Variants in HS6ST3 observed in about 807,000 individuals in gnomAD.
The protein encoded by HS6ST3 is heparan-sulfate 6-O-sulfotransferase 3.
In HS6ST3, 12 loss-of-function variants were observed where a neutral mutation model predicts 36.7. The observed-to-expected ratio is 0.33, with a 90% confidence interval of 0.21 to 0.53. HS6ST3 has a LOEUF of 0.53. Ranked by LOEUF, HS6ST3 falls within the 20% of genes least tolerant of loss-of-function variation. The pLI, the probability that HS6ST3 is intolerant of heterozygous loss-of-function variation, is 0.95. For synonymous variants in HS6ST3, 240 were observed against 257.5 expected (o/e 0.93, Z 0.65); for missense variants, 584 against 640.9 (o/e 0.91, Z 0.96).
intron 1 of HS6ST3, among the ~76,000 whole-genome samples, chr13:96,244,618 C>G (rs940835767): frequency 1.3e-5 from 2 of 152,000 alleles, no homozygotes; most frequent in Non-Finnish European, 1.5e-5. Context: ...TGCTATTAAT[C>G]AATGGAAAAA....
chr13:96,628,991 T>C (rs1213833308), intron 1 of HS6ST3, among the ~76,000 whole-genome samples: 1 of 152,198 alleles, frequency 6.6e-6, no homozygotes, highest in African/African-American at 2.4e-5. Context: ...TCAACTCTTA[T>C]TCATTTTCTG....
rs147910278 is a variant in HS6ST3 at position 96,150,455 on chromosome 13, G to C, written c.707+58886G>C. On this transcript the variant is annotated intron_variant, in intron 1 of 1. Transcript: ENST00000376705. ...TGGTTTGAAGGTTGGGTCTCACCAGGGACCTGTCCCTGTCTGCGTAGGAAT... is the reference window on the plus strand; with the variant it reads ...TGGTTTGAAGGTTGGGTCTCACCAGCGACCTGTCCCTGTCTGCGTAGGAAT... Among the ~76,000 whole-genome samples the C allele has an allele frequency of 3.2e-3, 484 of 152,156 alleles. 2 individuals are homozygous for C. The highest frequency in any genetic ancestry group is 0.011 in the African/African-American group (475 of 41,504).
chr13:96,360,145 C>A (rs1208134974), intron 1 of HS6ST3, among the ~76,000 whole-genome samples: 1 of 152,062 alleles, frequency 6.6e-6, no homozygotes. Context: ...GGAACTAGCC[C>A]TGTCATTGAA....
chr13:96,434,357 A>C (rs1043768857), intron 1 of HS6ST3, among the ~76,000 whole-genome samples: 1 of 152,010 alleles, frequency 6.6e-6, no homozygotes, highest in African/African-American at 2.4e-5. Flanking sequence ...TTTTCTTCTT[A>C]TTTTGCTGTT....
At chr13:96,592,127 C>T (rs2056384450) in intron 1 of HS6ST3, among the ~76,000 whole-genome samples, 2 of 151,964 alleles carry the variant, frequency 1.3e-5, no homozygotes, top group African/African-American at 4.8e-5. Flanking sequence ...TTTTTGCATC[C>T]ATATTCATCA....
chr13:96,498,742 A>C (rs1471176603), intron 1 of HS6ST3, among the ~76,000 whole-genome samples: 2 of 152,154 alleles, frequency 1.3e-5, no homozygotes, highest in African/African-American at 4.8e-5. Context: ...TTTGTAATAA[A>C]ATGTGAAATT....
intron 1 of HS6ST3, among the ~76,000 whole-genome samples, chr13:96,497,935 A>T (rs1163267454): frequency 6.6e-6 from 1 of 152,214 alleles, no homozygotes; most frequent in Non-Finnish European, 1.5e-5. Context: ...AAAGATGTAC[A>T]AATTCACCAA....
At chr13:96,808,596 G>A (rs1263488439) in intron 1 of HS6ST3, among the ~76,000 whole-genome samples, 5 of 152,172 alleles carry the variant, frequency 3.3e-5, no homozygotes, top group Non-Finnish European at 7.3e-5. Flanking sequence ...GTCATGGAGA[G>A]TTAGGGGCTG....
At chr13:96,622,569 AG>A (rs1455690511) in intron 1 of HS6ST3, among the ~76,000 whole-genome samples, 2 of 151,706 alleles carry the variant, frequency 1.3e-5, no homozygotes, top group Non-Finnish European at 2.9e-5. Flanking sequence ...AGGAATAGAA[AG>A]GGTTTCAGGC....
At chr13:96,449,120 C>A (rs2055714580) in intron 1 of HS6ST3, among the ~76,000 whole-genome samples, 1 of 152,014 alleles carries the variant, frequency 6.6e-6, no homozygotes, top group African/African-American at 2.4e-5. Context: ...TGCCACCATA[C>A]CCGGCTAATT....
At chr13:96,801,938 G>A (rs1201423023) in intron 1 of HS6ST3, among the ~76,000 whole-genome samples, 1 of 152,140 alleles carries the variant, frequency 6.6e-6, no homozygotes, top group East Asian at 1.9e-4. Flanking sequence ...GCTCAGGAAT[G>A]TAAGGACTCA....
At chr13:96,596,861 G>T in intron 1 of HS6ST3, among the ~76,000 whole-genome samples, 1 of 151,884 alleles carries the variant, frequency 6.6e-6, no homozygotes, top group Non-Finnish European at 1.5e-5. Context: ...TAAATTTTTC[G>T]ACTATAAAGA....
intron 1 of HS6ST3, among the ~76,000 whole-genome samples, chr13:96,544,905 T>C (rs969317489): frequency 6.6e-6 from 1 of 152,188 alleles, no homozygotes. Flanking sequence ...AATTCACAAA[T>C]GTATTGCTTT....
chr13:96,172,444 A>G (rs2054191962), intron 1 of HS6ST3, among the ~76,000 whole-genome samples: 1 of 152,310 alleles, frequency 6.6e-6, no homozygotes, highest in South Asian at 2.1e-4. Context: ...TTTGAGAATC[A>G]CTAATGAATC....
chr13:96,692,355 TATAAC>T (rs769817631), intron 1 of HS6ST3, among the ~76,000 whole-genome samples: 26 of 152,182 alleles, frequency 1.7e-4, no homozygotes, highest in Non-Finnish European at 2.6e-4. Context: ...AAATAGTTGT[TATAAC>T]ATATTATTTA....
chr13:96,713,418 T>C (rs1160867125), intron 1 of HS6ST3, among the ~76,000 whole-genome samples: 2 of 152,278 alleles, frequency 1.3e-5, no homozygotes, highest in East Asian at 3.9e-4. Flanking sequence ...TTCAGAGATG[T>C]TTAAAACACA....
chr13:96,380,894 A>AG (rs1200068265), intron 1 of HS6ST3, among the ~76,000 whole-genome samples: 1 of 152,226 alleles, frequency 6.6e-6, no homozygotes, highest in Non-Finnish European at 1.5e-5. Context: ...ATCATAGTTT[A>AG]GGGAAAAAGA....
At chr13:96,812,306 C>T (rs1878332060) in intron 1 of HS6ST3, among the ~76,000 whole-genome samples, 1 of 152,150 alleles carries the variant, frequency 6.6e-6, no homozygotes, top group African/African-American at 2.4e-5. Flanking sequence ...TCCAATATTT[C>T]CCCATATGCC....
chr13:96,604,657 G>T (rs2056432377), intron 1 of HS6ST3, among the ~76,000 whole-genome samples: 1 of 152,118 alleles, frequency 6.6e-6, no homozygotes, highest in Non-Finnish European at 1.5e-5. Flanking sequence ...TGAGCTTATA[G>T]TATTCTAATT....
Sources: gnomAD v4.1 joint callset for allele counts (sites outside exome capture counted in the v4.1 genomes callset) on GRCh38, gnomAD v4.1.1 for gene constraint, MANE v1.5 for transcripts, NCBI Gene and HGNC (gene_info 2026-07-23, HGNC 2026-07-21) for gene names.